Variants in ALK observed in about 807,000 individuals in gnomAD.
The protein encoded by ALK is ALK receptor tyrosine kinase, also known as ALK tyrosine kinase receptor.
Under a neutral mutation model 163.1 loss-of-function variants are expected in ALK, and 74 were observed. That is an observed-to-expected ratio of 0.45 (90% CI 0.38 to 0.55). The LOEUF (loss-of-function observed/expected upper bound fraction) is 0.55. Among genes scored for constraint, ALK ranks in the 20% least tolerant of loss-of-function variants. ALK has a pLI of 0.00. For synonymous variants in ALK, 960 were observed against 843.2 expected, an observed-to-expected ratio of 1.14 and a Z score of -2.40; for missense variants, 2,063 against 2,105.3, an observed-to-expected ratio of 0.98 and a Z score of 0.39.
At chr2:29,588,127 G>C (rs749339892) in intron 3 of ALK, among the ~76,000 whole-genome samples, 1 of 152,142 alleles carries the variant, frequency 6.6e-6, no homozygotes, top group East Asian at 1.9e-4. Flanking sequence ...GACTGTGTCC[G>C]TTTATGCAGT....
chr2:29,261,527 C>T (rs1052800648), intron 11 of ALK, among the ~76,000 whole-genome samples: 2 of 152,178 alleles, frequency 1.3e-5, no homozygotes, highest in Non-Finnish European at 2.9e-5. Context: ...AGAGCCCTCA[C>T]CTGCATTTCT....
intron 2 of ALK, among the ~76,000 whole-genome samples, chr2:29,702,344 C>T (rs553133544): frequency 6.6e-6 from 1 of 152,130 alleles, no homozygotes; most frequent in Non-Finnish European, 1.5e-5. Context: ...AGGAAAGGAC[C>T]TGGGCCCAGA....
chr2:29,320,688 C>T lies in ALK; in HGVS notation c.1546+63G>A, dbSNP rs544946525. 3.9e-5 allele frequency: 63 copies of T among 1,608,582 alleles called. 1 individual carries two copies. The South Asian group carries it at 6.7e-4, about 17-fold the overall frequency. ...GGTGGGGTGAAGTCCAGCCCTGAGT[C>T]TCCCATCTGTCTATGTGGGCATGAA... On this transcript the variant is annotated intron_variant, in intron 7 of 28. Transcript: ENST00000389048.
At chr2:29,805,816 TTA>T (rs1425006578) in intron 1 of ALK, among the ~76,000 whole-genome samples, 1 of 148,814 alleles carries the variant, frequency 6.7e-6, no homozygotes, top group Non-Finnish European at 1.5e-5. Context: ...TCATCTCTGT[TTA>T]TGTGTTCAGG....
intron 5 of ALK, among the ~76,000 whole-genome samples, chr2:29,381,326 A>G (rs1455791290): frequency 6.6e-6 from 1 of 152,258 alleles, no homozygotes; most frequent in Non-Finnish European, 1.5e-5. Flanking sequence ...TTTTGCTATT[A>G]GTCCATATCA....
chr2:29,193,903 G>C lies in ALK; in HGVS notation c.4184C>G (p.Thr1395Ser), dbSNP rs1060500220. ...YCTQDPDVINTALPIEYGPLV... is the reference protein window; with the variant it reads ...YCTQDPDVINSALPIEYGPLV... ...TGGACCATATTCTATCGGCAAAGCG[G>C]TGTTGATTACATCCGGGTCCTGCCG... Residue 1395 changes from threonine to serine, a missense_variant, in exon 29 of 29, where the codon ACC (threonine) becomes AGC (serine). By Grantham distance (58) the Thr-to-Ser change is moderately conservative. Around this residue, in one of 5 missense-constraint regions of ALK, gnomAD observed 403 missense variants for 366.2 expected, o/e 1.10. Transcript: ENST00000389048. 1 of 1,614,046 alleles carries C rather than the reference G, an allele frequency of 6.2e-7. No homozygotes were observed. Among genetic ancestry groups the C allele is most frequent in the Non-Finnish European group, 8.5e-7 (1 of 1,180,038 alleles).
At chr2:29,433,440 G>A (rs1670327375) in intron 4 of ALK, among the ~76,000 whole-genome samples, 1 of 152,192 alleles carries the variant, frequency 6.6e-6, no homozygotes, top group African/African-American at 2.4e-5. Flanking sequence ...ATATCTGAGA[G>A]AATACCAAAT....
intron 8 of ALK, among the ~76,000 whole-genome samples, chr2:29,317,924 T>G (rs1259338228): frequency 2.0e-5 from 3 of 152,188 alleles, no homozygotes; most frequent in African/African-American, 7.2e-5. Context: ...TAAATCAAAT[T>G]TTTGAGGATG....
At chr2:29,371,014 G>A (rs1668625142) in intron 5 of ALK, among the ~76,000 whole-genome samples, 2 of 152,264 alleles carry the variant, frequency 1.3e-5, no homozygotes, top group African/African-American at 2.4e-5. Flanking sequence ...AGAAGCAGAA[G>A]CAGCAAAAGC....
At chr2:29,298,897 C>T (rs1483198725) in intron 8 of ALK, among the ~76,000 whole-genome samples, 1 of 152,174 alleles carries the variant, frequency 6.6e-6, no homozygotes, top group East Asian at 1.9e-4. Flanking sequence ...CCCTCCTTTC[C>T]CCAGCATCTC....
chr2:29,373,979 C>G (rs147599588), intron 5 of ALK, among the ~76,000 whole-genome samples: 4 of 152,344 alleles, frequency 2.6e-5, no homozygotes, highest in Non-Finnish European at 4.4e-5. Context: ...CCTTTGCAAT[C>G]AGAAAGCAAG....
intron 3 of ALK, among the ~76,000 whole-genome samples, chr2:29,582,024 T>A (rs1057040468): frequency 1.1e-4 from 17 of 152,162 alleles, no homozygotes; most frequent in African/African-American, 4.1e-4. Context: ...GAGCATTCAT[T>A]CAACAAGCAT....
At chr2:29,632,783 G>A (rs1219141314) in intron 3 of ALK, among the ~76,000 whole-genome samples, 4 of 152,222 alleles carry the variant, frequency 2.6e-5, no homozygotes, top group African/African-American at 9.6e-5. Context: ...GGAAGGCAAG[G>A]AGGAGCAAGT....
intron 4 of ALK, among the ~76,000 whole-genome samples, chr2:29,485,987 G>A (rs961009302): frequency 3.3e-5 from 5 of 152,132 alleles, no homozygotes; most frequent in Non-Finnish European, 7.3e-5. Flanking sequence ...TCACACAGAG[G>A]CCAAATTCCT....
At chr2:29,326,324 G>T (rs1416221138) in intron 6 of ALK, among the ~76,000 whole-genome samples, 2 of 152,212 alleles carry the variant, frequency 1.3e-5, no homozygotes, top group Admixed American at 6.5e-5. Context: ...CTGACATGCT[G>T]TGTGACCCTG....
intron 4 of ALK, among the ~76,000 whole-genome samples, chr2:29,471,063 T>A (rs529957635): frequency 6.6e-6 from 1 of 152,248 alleles, no homozygotes; most frequent in East Asian, 1.9e-4. Context: ...TAACTATATT[T>A]TAATGGAATA....
chr2:29,918,797 TA>T (rs1262546282), intron 1 of ALK, among the ~76,000 whole-genome samples: 1 of 152,190 alleles, frequency 6.6e-6, no homozygotes, highest in African/African-American at 2.4e-5. Flanking sequence ...TATTAGACAT[TA>T]GTAGCCAGTG....
At chr2:29,305,209 G>A (rs1297558428) in intron 8 of ALK, among the ~76,000 whole-genome samples, 2 of 152,052 alleles carry the variant, frequency 1.3e-5, no homozygotes, top group Non-Finnish European at 2.9e-5. Context: ...GTGTAGAGGG[G>A]GCGATTTTCC....
intron 3 of ALK, among the ~76,000 whole-genome samples, chr2:29,667,799 A>G (rs1466563968): frequency 3.9e-5 from 6 of 152,064 alleles, no homozygotes; most frequent in African/African-American, 1.2e-4. Flanking sequence ...TGCTGACCTC[A>G]TAGAATAAAT....
Sources: gnomAD v4.1 joint callset for allele counts (sites outside exome capture counted in the v4.1 genomes callset) on GRCh38, gnomAD v4.1.1 for gene constraint, gnomAD v4.1.1 regional missense constraint, MANE v1.5 for transcripts, NCBI Gene and HGNC (gene_info 2026-07-23, HGNC 2026-07-21) for gene names.